Variants in ASXL3 observed in about 807,000 individuals in gnomAD.
ASXL3 encodes the protein ASXL transcriptional regulator 3.
ASXL3 carries 34 observed loss-of-function variants against 170.6 expected under a neutral mutation model. The ratio of observed to expected loss-of-function variants is 0.20; its 90% CI spans 0.15 to 0.27. The LOEUF (loss-of-function observed/expected upper bound fraction) is 0.27. ASXL3 is among the 10% of genes least tolerant of loss of function. ASXL3 has a pLI of 1.00. For missense variants in ASXL3, 2,592 were observed against 2,695.3 expected (o/e 0.96, Z 0.85); for synonymous variants, 1,002 against 989.1 (o/e 1.01, Z -0.24).
At position 33,667,586 on chromosome 18, in the gene ASXL3, T is replaced by C. The variant is rs72961957; in HGVS notation, c.478-3087T>C. On this transcript the variant is annotated intron_variant, in intron 5 of 11. Coordinates refer to ENST00000269197, the MANE Select transcript of ASXL3 (RefSeq NM_030632.3). ...GCTAGTGGATGTGATACTATTTTTT[T>C]ACTTATTGGAGACTCCACAATTTTC... Among the ~76,000 whole-genome samples the C allele has an allele frequency of 7.4e-3, 1,122 of 152,250 alleles. 9 individuals carry two copies. Among genetic ancestry groups the C allele is most frequent in the Non-Finnish European group, 0.012 (801 of 67,996 alleles).
rs577832217 is a variant in ASXL3, at chr18:33,747,203, C to T, written c.*608C>T. 1 of 152,290 alleles carries T rather than the reference C, an allele frequency of 6.6e-6. No individual in the cohort carries two copies. The highest frequency in any genetic ancestry group is 2.4e-5 in the African/African-American group (1 of 41,570). 9.4% of individuals were successfully genotyped at this position (152,290 alleles called of 1,614,324 possible). On this transcript the variant is annotated 3_prime_UTR_variant, in exon 12 of 12. Transcript: ENST00000269197. ...TATCTTTCCTCCTGTTGTACTTTCTCAGAGACTATGGCAGAATATCTGGAT... is the reference window on the plus strand; with the variant it reads ...TATCTTTCCTCCTGTTGTACTTTCTTAGAGACTATGGCAGAATATCTGGAT...
At chr18:33,741,678 A>G (rs2067665940) in intron 11 of ASXL3, among the ~76,000 whole-genome samples, 1 of 152,220 alleles carries the variant, frequency 6.6e-6, no homozygotes, top group South Asian at 2.1e-4. Flanking sequence ...TTCATCCATC[A>G]AAGTTCCAAA....
rs2067857390 is a variant in ASXL3, at chr18:33,749,888, A to G, written c.*3293A>G. The G allele has an allele frequency of 6.6e-6, 1 of 152,272 alleles. No individual in the cohort carries two copies. The highest frequency in any genetic ancestry group is 6.5e-5 in the Admixed American group (1 of 15,292). The allele number at this position is 152,272 out of a possible 1,614,324, so 9.4% of individuals were successfully genotyped here. On this transcript the variant is annotated 3_prime_UTR_variant, in exon 12 of 12. Coordinates refer to ENST00000269197, the MANE Select transcript of ASXL3 (RefSeq NM_030632.3). Reference sequence around the variant, plus strand: ...AAAATACACAAAAACAAGCTGGTACATATGGTGCTTTATAATGCAGTCGAG... The same window carrying G: ...AAAATACACAAAAACAAGCTGGTACGTATGGTGCTTTATAATGCAGTCGAG...
intron 1 of ASXL3, among the ~76,000 whole-genome samples, chr18:33,587,778 A>G (rs1011155871): frequency 2.0e-5 from 3 of 152,098 alleles, no homozygotes; most frequent in African/African-American, 7.2e-5. Context: ...ATTAAAAAAA[A>G]AAGGAGAAAC....
At chr18:33,693,619 T>C (rs1271761596) in intron 8 of ASXL3, among the ~76,000 whole-genome samples, 2 of 152,124 alleles carry the variant, frequency 1.3e-5, no homozygotes, top group Admixed American at 1.3e-4. Context: ...TTTTCAGAGA[T>C]TCATCCTGCA....
intron 5 of ASXL3, among the ~76,000 whole-genome samples, chr18:33,665,509 G>A (rs1342156225): frequency 6.6e-6 from 1 of 152,174 alleles, no homozygotes; most frequent in Admixed American, 6.5e-5. Context: ...AGCATTCACA[G>A]CATGTGATAT....
chr18:33,586,665 C>T (rs2065037493), intron 1 of ASXL3, among the ~76,000 whole-genome samples: 1 of 152,072 alleles, frequency 6.6e-6, no homozygotes, highest in Non-Finnish European at 1.5e-5. Flanking sequence ...ATTCTCGTCG[C>T]CCCACACCCT....
intron 7 of ASXL3, among the ~76,000 whole-genome samples, chr18:33,674,231 C>G (rs2066390868): frequency 6.6e-6 from 1 of 152,084 alleles, no homozygotes; most frequent in South Asian, 2.1e-4. Flanking sequence ...ATATTTTAGA[C>G]CTGTAGGTGC....
Position 33,612,312 on chromosome 18 carries a change from T to A in ASXL3, c.137+4636T>A, listed in dbSNP as rs537745298. Among the ~76,000 whole-genome samples, 3 of 152,182 alleles carry A rather than the reference T, an allele frequency of 2.0e-5. No individual in the cohort carries two copies. The East Asian group carries it at 5.8e-4, about 29-fold the overall frequency. Reference sequence around the variant, plus strand: ...TGCCATATTTTAGATTTAAAAACTATGTTAAATTTCATCAACTGTTTAAAG... The same window carrying A: ...TGCCATATTTTAGATTTAAAAACTAAGTTAAATTTCATCAACTGTTTAAAG... On this transcript the variant is annotated intron_variant, in intron 2 of 11. Coordinates refer to ENST00000269197, the MANE Select transcript of ASXL3 (RefSeq NM_030632.3).
chr18:33,692,639 G>C (rs1318263375), intron 8 of ASXL3, among the ~76,000 whole-genome samples: 1 of 152,082 alleles, frequency 6.6e-6, no homozygotes, highest in African/African-American at 2.4e-5. Context: ...ACTTATTCAT[G>C]TATTTGTTTT....
intron 10 of ASXL3, 48 bp from the exon 11 acceptor site, chr18:33,738,439 T>C (rs759107125): frequency 6.6e-7 from 1 of 1,512,506 alleles, no homozygotes; most frequent in Admixed American, 2.2e-5. Flanking sequence ...CAGTTGTACC[T>C]TTTATGTTTT....
In ASXL3 at chr18:33,734,358, A is replaced by C; in HGVS notation, c.1025A>C (p.Lys342Thr). 6.2e-7 allele frequency: 1 copy of C among 1,610,534 alleles called. No homozygotes were observed. Among genetic ancestry groups the C allele is most frequent in the Non-Finnish European group, 8.5e-7 (1 of 1,178,502 alleles). Residue 342 changes from lysine to threonine, a missense_variant, in exon 10 of 12, where the codon AAG becomes ACG. By Grantham distance (78) the Lys-to-Thr change is moderately conservative. This residue lies in a region of ASXL3 where 73 missense variants were observed against 142.7 expected (regional missense o/e 0.51). Transcript: ENST00000269197. ...TTGCGGATAAGGCAAGAAATTGAGAAGGAAAAGAAAACAGAACCTTGGAAA... is the reference window on the plus strand; with the variant it reads ...TTGCGGATAAGGCAAGAAATTGAGACGGAAAAGAAAACAGAACCTTGGAAA... ...MQLRIRQEIE[K>T]EKKTEPWKEK...
At chr18:33,617,600 C>A (rs563465659) in intron 2 of ASXL3, among the ~76,000 whole-genome samples, 69 of 152,122 alleles carry the variant, frequency 4.5e-4, no homozygotes, top group Non-Finnish European at 7.2e-4. Context: ...TATATTGATG[C>A]CTCAAGGCAT....
chr18:33,578,845 G>A (rs371148600), intron 1 of ASXL3, 160 bp downstream of exon 1: 1 of 362,410 alleles, frequency 2.8e-6, no homozygotes, highest in Non-Finnish European at 4.1e-6. Flanking sequence ...CTCGCCCGGG[G>A]GCCCCTGTGT....
chr18:33,609,400 C>T (rs1213194728), intron 2 of ASXL3, among the ~76,000 whole-genome samples: 3 of 151,926 alleles, frequency 2.0e-5, no homozygotes, highest in Non-Finnish European at 2.9e-5. Context: ...TTCTTCTCCA[C>T]AGGAATGACT....
intron 8 of ASXL3, among the ~76,000 whole-genome samples, chr18:33,686,460 T>C (rs1008441816): frequency 6.6e-5 from 10 of 152,216 alleles, no homozygotes; most frequent in Non-Finnish European, 1.2e-4. Flanking sequence ...ATGAAGAAGT[T>C]TAATCTGAAT....
intron 2 of ASXL3, among the ~76,000 whole-genome samples, chr18:33,629,080 G>T (rs1430546014): frequency 6.6e-6 from 1 of 152,024 alleles, no homozygotes; most frequent in East Asian, 1.9e-4. Flanking sequence ...ATTGTTACTA[G>T]TACCTTAGAA....
chr18:33,618,683 G>T (rs1378367853), intron 2 of ASXL3, among the ~76,000 whole-genome samples: 2 of 151,998 alleles, frequency 1.3e-5, no homozygotes, highest in African/African-American at 4.8e-5. Context: ...TACCATTTCT[G>T]CCTTTGAGTA....
Position 33,745,243 on chromosome 18 carries a change from C to T in ASXL3, c.5395C>T (p.Pro1799Ser). 1 of 1,613,992 alleles carries T rather than the reference C, an allele frequency of 6.2e-7. No homozygotes were observed. The highest frequency in any genetic ancestry group is 8.5e-7 in the Non-Finnish European group (1 of 1,179,894). Residue 1799 changes from proline (P) to serine (S), a missense_variant, in exon 12 of 12, where the codon CCG becomes TCG. Physicochemically the swap from Pro to Ser is moderately conservative, Grantham distance 74. This residue lies in a region of ASXL3 where 2,246 missense variants were observed against 2,219.6 expected (regional missense o/e 1.01). Transcript: ENST00000269197. ...KTAPERNVEI[P>S]PSSPNPDGKG... ...AGCACCAGAGAGAAACGTTGAAATT[C>T]CGCCCAGCTCTCCAAATCCAGATGG...
Sources: allele counts gnomAD v4.1 joint callset (sites outside exome capture counted in the v4.1 genomes callset), GRCh38; gene constraint gnomAD v4.1.1; regional missense constraint gnomAD v4.1.1; transcripts MANE v1.5; gene names NCBI Gene and HGNC (gene_info 2026-07-23, HGNC 2026-07-21).